Variants in HERC2 observed in about 807,000 individuals in gnomAD.
The protein encoded by HERC2 is HECT and RLD domain containing E3 ubiquitin protein ligase 2, also known as E3 ubiquitin-protein ligase HERC2.
Under a neutral mutation model 537.7 loss-of-function variants are expected in HERC2, and 102 were observed. The observed-to-expected ratio is 0.19, with a 90% confidence interval of 0.16 to 0.22. The LOEUF is 0.22. HERC2 is among the 10% of genes least tolerant of loss of function. The pLI, the probability that HERC2 is intolerant of heterozygous loss-of-function variation, is 1.00. For synonymous variants in HERC2, 2,224 were observed against 2,466.2 expected (o/e 0.90, Z 2.91); for missense variants, 4,236 against 6,198.2 (o/e 0.68, Z 10.63).
At chr15:28,190,145 A>ACT (rs1896705183) in intron 55 of HERC2, 1 of 147,688 alleles carries the variant, frequency 6.8e-6, no homozygotes, top group Non-Finnish European at 1.5e-5. Flanking sequence ...AGTAGCTGGG[A>ACT]CTACAGGTGC....
At chr15:28,190,263 C>CCCGCCTCTG (rs1168784536) in intron 55 of HERC2, 1 of 151,434 alleles carries the variant, frequency 6.6e-6, no homozygotes, top group African/African-American at 2.4e-5. Flanking sequence ...TCGTGATCTG[C>CCCGCCTCTG]CCGCCTCAGC....
At chr15:28,193,642 C>T (rs1303600248) in intron 52 of HERC2, among the ~76,000 whole-genome samples, 2 of 152,138 alleles carry the variant, frequency 1.3e-5, no homozygotes, top group Non-Finnish European at 2.9e-5. Context: ...AGATAAACAT[C>T]TCCATGCACA....
At chr15:28,219,716 G>C (rs1835072237) in intron 37 of HERC2, among the ~76,000 whole-genome samples, 1 of 152,204 alleles carries the variant, frequency 6.6e-6, no homozygotes, top group Admixed American at 6.5e-5. Flanking sequence ...CGTGCTCACT[G>C]AAATAGCCAT....
At chr15:28,314,296 A>C (rs1161515783) in intron 2 of HERC2, among the ~76,000 whole-genome samples, 1 of 152,216 alleles carries the variant, frequency 6.6e-6, no homozygotes, top group Non-Finnish European at 1.5e-5. Context: ...CTATCATGAA[A>C]GAAGAGCCTG....
At chr15:28,162,292 C>G (rs1045984575) in intron 69 of HERC2, among the ~76,000 whole-genome samples, 4 of 152,184 alleles carry the variant, frequency 2.6e-5, no homozygotes, top group Non-Finnish European at 5.9e-5. Flanking sequence ...GAGATTGCGC[C>G]ACCGCACTCC....
At chr15:28,121,083 T>C (rs983783388) in intron 86 of HERC2, among the ~76,000 whole-genome samples, 2 of 152,214 alleles carry the variant, frequency 1.3e-5, no homozygotes, top group African/African-American at 2.4e-5. Flanking sequence ...GATTTTATTT[T>C]CCCCATTCTT....
At chr15:28,305,937 T>C (rs2076774689) in intron 2 of HERC2, among the ~76,000 whole-genome samples, 1 of 152,200 alleles carries the variant, frequency 6.6e-6, no homozygotes, top group East Asian at 1.9e-4. Flanking sequence ...ATGCTCATCA[T>C]CACTGGCCAT....
At position 28,255,980 on chromosome 15, in the gene HERC2, C is replaced by T; in HGVS notation, c.2763G>A (p.Val921=). ...LLPCAVSGNE[V]NISPGRRFMI... is the part of the protein sequence containing the mutation. ...TGAATCGACGACCTGGACTTATGTT[C>T]ACTTCATTGCCTGAAACTGAAATAG... The change falls in exon 19 of 93, where the codon GTG becomes GTA. Residue 921 remains valine, a synonymous_variant. Coordinates refer to ENST00000261609, the MANE Select transcript of HERC2 (RefSeq NM_004667.6). 1 of 1,606,240 alleles carries T rather than the reference C, an allele frequency of 6.2e-7. No individual in the cohort carries two copies. The highest frequency in any genetic ancestry group is 8.5e-7 in the Non-Finnish European group (1 of 1,179,812).
At chr15:28,243,034 G>GCAAGTGCAATAAGT (rs1336254688) in intron 23 of HERC2, among the ~76,000 whole-genome samples, 6 of 152,208 alleles carry the variant, frequency 3.9e-5, no homozygotes, top group Non-Finnish European at 8.8e-5. Context: ...ACTCCACAAT[G>GCAAGTGCAATAAGT]CACTACAGGT....
intron 7 of HERC2, chr15:28,273,211 T>C (rs1009367182): frequency 1.0e-5 from 6 of 602,086 alleles, no homozygotes; most frequent in Non-Finnish European, 1.8e-5. Flanking sequence ...TTATTTAAAG[T>C]GTTCACTCAG....
In HERC2 at chr15:28,122,670, G is replaced by T. The variant is rs574194288; in HGVS notation, c.13189-1241C>A. 2.9e-3 allele frequency among the ~76,000 whole-genome samples: 434 copies of T among 152,254 alleles called. No individual in the cohort carries two copies. The highest frequency in any genetic ancestry group is 0.01 in the African/African-American group (416 of 41,552). Reference sequence around the variant, plus strand: ...TCCATTTTGGTGCTCTGGACCGGGAGTAGTAACACCCACTCTCTGAGGCCG... The same window carrying T: ...TCCATTTTGGTGCTCTGGACCGGGATTAGTAACACCCACTCTCTGAGGCCG... On this transcript the variant is annotated intron_variant, in intron 85 of 92. Transcript: ENST00000261609. This position sits in a 1 kb window ranked among gnomAD's most constrained non-coding sequence, Gnocchi z 4.1.
At chr15:28,130,081 C>G (rs997881931) in intron 83 of HERC2, 82 bp downstream of exon 83, 2 of 1,557,270 alleles carry the variant, frequency 1.3e-6, no homozygotes, top group East Asian at 2.3e-5. Flanking sequence ...CCTGTGCCCC[C>G]TTTTAAGGCT....
At position 28,154,719 on chromosome 15, in the gene HERC2, C is replaced by A. The variant is rs1481264101; in HGVS notation, c.10747-1889G>T. Among the ~76,000 whole-genome samples, 4 of 152,218 alleles carry A rather than the reference C, an allele frequency of 2.6e-5. No homozygotes were observed. The South Asian group carries it at 8.3e-4, about 32-fold the overall frequency. On this transcript the variant is annotated intron_variant, in intron 69 of 92. Transcript: ENST00000261609. ...ATAAAGGTAACCCCTACCCTCTCTA[C>A]TGAGAATGTGGGGATGTGCATGGCA...
At position 28,262,983 on chromosome 15, in the gene HERC2, T is replaced by C. The variant is rs576039939; in HGVS notation, c.2057A>G (p.Asn686Ser). 1.9e-6 allele frequency: 3 copies of C among 1,614,070 alleles called. No individual in the cohort carries two copies. The highest frequency in any genetic ancestry group is 1.1e-5 in the South Asian group (1 of 91,090). ...CTCTGTTCCATGTCCAAGTCTCTGG[T>C]TGTCACCTTTTCCCCATGAATAAAC... Reference protein sequence around the residue: ...GQVYSWGKGDNQRLGHGTEEH... With the variant: ...GQVYSWGKGDSQRLGHGTEEH... The change falls in exon 15 of 93, where the codon AAC (asparagine) becomes AGC (serine). Residue 686 changes from asparagine (N) to serine (S), a missense_variant. By Grantham distance (46) the Asn-to-Ser change is conservative (BLOSUM62 1). Transcript: ENST00000261609.
At position 28,265,911 on chromosome 15, in the gene HERC2, C is replaced by A. The variant is rs141495562; in HGVS notation, c.1662G>T (p.Val554=). The part of the protein sequence containing the change: ...FSGKQAGKHV[V]HIACGSTYSA... Reference sequence around the variant, plus strand: ...TGTAAGTGCTCCCGCAAGCGATGTGCACCACGTGCTTCCCGGCCTGCTTTC... The same window carrying A: ...TGTAAGTGCTCCCGCAAGCGATGTGAACCACGTGCTTCCCGGCCTGCTTTC... The change falls in exon 13 of 93, where the codon GTG becomes GTT. Residue 554 remains valine, a synonymous_variant. Transcript: ENST00000261609. The surrounding 1 kb of genome is among the most constrained non-coding windows in gnomAD (Gnocchi z 4.0). The A allele has an allele frequency of 1.4e-4, 233 of 1,614,172 alleles. No individual in the cohort carries two copies. In the African/African-American group the frequency reaches 2.9e-3, roughly 20 times the overall value.
intron 23 of HERC2, among the ~76,000 whole-genome samples, chr15:28,242,821 G>A (rs1567060739): frequency 6.6e-6 from 1 of 152,134 alleles, no homozygotes; most frequent in Non-Finnish European, 1.5e-5. Context: ...ATCAAGTAAT[G>A]CAGGAAAAGC....
intron 69 of HERC2, among the ~76,000 whole-genome samples, chr15:28,161,579 C>A (rs1193326648): frequency 2.6e-5 from 4 of 152,170 alleles, no homozygotes; most frequent in Non-Finnish European, 5.9e-5. Flanking sequence ...GACCTACAGA[C>A]CAATTCAGCA....
At chr15:28,319,447 T>C (rs1279718556) in intron 2 of HERC2, among the ~76,000 whole-genome samples, 2 of 151,556 alleles carry the variant, frequency 1.3e-5, no homozygotes, top group Non-Finnish European at 2.9e-5. Context: ...CGGGCATGCA[T>C]GGTGGCACAC....
At chr15:28,173,377 TCAA>T (rs76131506) in intron 65 of HERC2, among the ~76,000 whole-genome samples, 10,566 of 152,228 alleles carry the variant, frequency 0.069, 883 homozygotes, top group East Asian at 0.42. Flanking sequence ...AAGATACTAT[TCAA>T]CAATTTAAAA....
Sources: gnomAD v4.1 joint callset for allele counts (sites outside exome capture counted in the v4.1 genomes callset) on GRCh38, gnomAD v4.1.1 for gene constraint, Gnocchi (gnomAD v3.1) non-coding constraint, MANE v1.5 for transcripts, NCBI Gene and HGNC (gene_info 2026-07-23, HGNC 2026-07-21) for gene names.